Variants in DUSP1 observed in about 807,000 individuals in gnomAD.
DUSP1 encodes the protein dual specificity phosphatase 1.
In DUSP1, 10 loss-of-function variants were observed where a neutral mutation model predicts 27.4. The ratio of observed to expected loss-of-function variants is 0.37; its 90% CI spans 0.23 to 0.62. The LOEUF is 0.62. Ranked by LOEUF, DUSP1 falls within the 20% of genes least tolerant of loss-of-function variation. The pLI, the probability that DUSP1 is intolerant of heterozygous loss-of-function variation, is 0.68. For missense variants in DUSP1, 425 were observed against 508.1 expected (o/e 0.84, Z 1.57); for synonymous variants, 262 against 223.6 (o/e 1.17, Z -1.53).
In DUSP1 at chr5:172,770,249, G is replaced by T. The variant is rs1353704647; in HGVS notation, c.425C>A (p.Pro142His). The change falls in exon 2 of 4, where the codon CCC becomes CAC. Residue 142 changes from proline to histidine, a missense_variant. Around this residue, in one of 3 missense-constraint regions of DUSP1, gnomAD observed 282 missense variants for 319.3 expected, o/e 0.88. Coordinates refer to ENST00000239223, the MANE Select transcript of DUSP1 (RefSeq NM_004417.4). ...ACTCAGGGGAAGGCTGAGCCCCATG[G>T]GGGTCGACTGTTTGCTGCACAGCTC... ...CPELCSKQSTPMGLSLPLSTS... is the reference protein window; with the variant it reads ...CPELCSKQSTHMGLSLPLSTS... 1 of 1,611,096 alleles carries T rather than the reference G, an allele frequency of 6.2e-7. No homozygotes were observed. The highest frequency in any genetic ancestry group is 1.3e-5 in the African/African-American group (1 of 74,826).
In DUSP1 at chr5:172,770,257, C is replaced by G. The variant is rs145042832; in HGVS notation, c.417G>C (p.Gln139His). 6.8e-6 allele frequency: 11 copies of G among 1,610,920 alleles called. No individual in the cohort carries two copies. In the African/African-American group the frequency reaches 1.5e-4, roughly 22 times the overall value. ...SASCPELCSKQSTPMGLSLPL... is the reference protein window; with the variant it reads ...SASCPELCSKHSTPMGLSLPL... ...GAAGGCTGAGCCCCATGGGGGTCGA[C>G]TGTTTGCTGCACAGCTCCGGGCAGG... Residue 139 changes from glutamine to histidine, a missense_variant, in exon 2 of 4, where the codon CAG becomes CAC. Gln to His is a conservative substitution (Grantham distance 24). Coordinates refer to ENST00000239223, the MANE Select transcript of DUSP1 (RefSeq NM_004417.4).
At chr5:172,769,370 C>T (rs755632901) in intron 3 of DUSP1, among the ~76,000 whole-genome samples, 27 of 152,184 alleles carry the variant, frequency 1.8e-4, no homozygotes, top group Non-Finnish European at 2.4e-4. Context: ...CCAGTCAATT[C>T]AACTTTGTGA....
Position 172,771,087 on chromosome 5 carries a change from T to G in DUSP1, c.-135A>C. 1 of 1,212,556 alleles carries G rather than the reference T, an allele frequency of 8.2e-7. No individual in the cohort carries two copies. The highest frequency in any genetic ancestry group is 1.1e-6 in the Non-Finnish European group (1 of 949,542). 75.1% of individuals were successfully genotyped at this position (1,212,556 alleles called of 1,614,324 possible). On this transcript the variant is annotated 5_prime_UTR_variant, in exon 1 of 4. Coordinates refer to ENST00000239223, the MANE Select transcript of DUSP1 (RefSeq NM_004417.4). ...TCTGCGCCGAACCAAAAGCCGCTTTTGGACTGAGAGAGGAGCGTCACGCGG... is the reference window on the plus strand; with the variant it reads ...TCTGCGCCGAACCAAAAGCCGCTTTGGGACTGAGAGAGGAGCGTCACGCGG...
chr5:172,770,202 C>G lies in DUSP1; in HGVS notation c.472G>C (p.Glu158Gln), dbSNP rs770201879. 6.3e-7 allele frequency: 1 copy of G among 1,598,956 alleles called. No homozygotes were observed. The highest frequency in any genetic ancestry group is 8.5e-7 in the Non-Finnish European group (1 of 1,175,180). Reference protein sequence around the residue: ...PLSTSVPDSAESGCSSCSTPL... With the variant: ...PLSTSVPDSAQSGCSSCSTPL... ...GTACTGCAGGAACTGCACCCAGATT[C>G]CGCGCTGTCAGGGACGCTAGTACTC... Residue 158 changes from glutamate (E) to glutamine (Q), a missense_variant, in exon 2 of 4, where the codon GAA becomes CAA. Transcript: ENST00000239223.
intron 2 of DUSP1, 101 bp downstream of exon 2, chr5:172,770,060 A>G (rs1311553893): frequency 1.4e-6 from 2 of 1,473,630 alleles, no homozygotes; most frequent in Non-Finnish European, 1.8e-6. Context: ...CCCCTCCGTT[A>G]TAAATAATGC....
rs1045081777 is a variant in DUSP1, at chr5:172,768,650, TTAAA to T, written c.*108_*111del. On this transcript the variant is annotated 3_prime_UTR_variant, in exon 4 of 4. Coordinates refer to ENST00000239223, the MANE Select transcript of DUSP1 (RefSeq NM_004417.4). ...GAAACCCAGAGGAACTCGGGTGAAG[TTAAA>T]TAAATAAGGACCAGCCCTCTCGAGC... 3.0e-6 allele frequency: 4 copies of T among 1,351,252 alleles called. No homozygotes were observed. The highest frequency in any genetic ancestry group is 3.9e-6 in the Non-Finnish European group (4 of 1,038,040). 83.7% of individuals were successfully genotyped at this position (1,351,252 alleles called of 1,614,324 possible).
rs1253750604 is a variant in DUSP1, at chr5:172,768,771, G to A, written c.1095C>T (p.Pro365=). The change falls in exon 4 of 4, where the codon CCC becomes CCT. Residue 365 remains proline, a synonymous_variant. Transcript: ENST00000239223. ...CACCTCCCGTGGCCTTTCAGCAGCT[G>A]GGAGAGGTCGTAATGGGGCTCTGAA... The part of the protein sequence containing the change: ...SYLQSPITTS[P]SC 1.3e-6 allele frequency: 2 copies of A among 1,515,022 alleles called. No individual in the cohort carries two copies. The highest frequency in any genetic ancestry group is 1.4e-5 in the African/African-American group (1 of 71,730). The allele number at this position is 1,515,022 out of a possible 1,614,324, so 93.8% of individuals were successfully genotyped here. A position where few individuals can be genotyped will look rare whatever the true frequency, so the allele number is the denominator to read the frequency against.
chr5:172,768,621 C>T lies in DUSP1; in HGVS notation c.*141G>A. The T allele has an allele frequency of 1.6e-6, 2 of 1,213,952 alleles. No homozygotes were observed. Among genetic ancestry groups the T allele is most frequent in the Non-Finnish European group, 2.1e-6 (2 of 930,246 alleles). The allele number at this position is 1,213,952 out of a possible 1,614,324, so 75.2% of individuals were successfully genotyped here. ...TGACGCTAAGTCATCACCATAACTG[C>T]TTAGAAACCCAGAGGAACTCGGGTG... On this transcript the variant is annotated 3_prime_UTR_variant, in exon 4 of 4. Coordinates refer to ENST00000239223, the MANE Select transcript of DUSP1 (RefSeq NM_004417.4).
In DUSP1 at chr5:172,769,618, C is replaced by T. The variant is rs774174597; in HGVS notation, c.690G>A (p.Lys230=). 1 of 1,614,104 alleles carries T rather than the reference C, an allele frequency of 6.2e-7. No individual in the cohort carries two copies. Among genetic ancestry groups the T allele is most frequent in the Non-Finnish European group, 8.5e-7 (1 of 1,180,050 alleles). ...YKSIPVEDNH[K]ADISSWFNEA... is the part of the protein sequence containing the mutation. ...CGTTGAACCAGGAGCTGATGTCTGC[C>T]TTGTGGTTGTCCTCCACAGGGATGC... The change falls in exon 3 of 4, where the codon AAG becomes AAA. Residue 230 remains lysine (K), a synonymous_variant. Transcript: ENST00000239223.
rs1353704647 is a variant in DUSP1, at chr5:172,770,249, G to A, written c.425C>T (p.Pro142Leu). 1.2e-6 allele frequency: 2 copies of A among 1,611,096 alleles called. No homozygotes were observed. The highest frequency in any genetic ancestry group is 4.5e-5 in the East Asian group (2 of 44,678). ...CPELCSKQSTPMGLSLPLSTS... is the reference protein window; with the variant it reads ...CPELCSKQSTLMGLSLPLSTS... ...ACTCAGGGGAAGGCTGAGCCCCATG[G>A]GGGTCGACTGTTTGCTGCACAGCTC... The change falls in exon 2 of 4, where the codon CCC (proline) becomes CTC (leucine). Residue 142 changes from proline (P) to leucine (L), a missense_variant. This residue lies in a region of DUSP1 where 282 missense variants were observed against 319.3 expected (regional missense o/e 0.88). Coordinates refer to ENST00000239223, the MANE Select transcript of DUSP1 (RefSeq NM_004417.4).
rs955059442 is a variant in DUSP1, at chr5:172,770,908, C to T, written c.45G>A (p.Ala15=). The T allele has an allele frequency of 1.3e-6, 2 of 1,534,816 alleles. No homozygotes were observed. Among genetic ancestry groups the T allele is most frequent in the African/African-American group, 1.4e-5 (1 of 72,156 alleles). The stretch of plus-strand genomic sequence containing the variant: ...ATTGCGCCGCTCGCTCCCCCAGCAG[C>T]GCCCGCAGGCCTCCAGCGTCCAGGG... The part of the protein sequence containing the change: ...VGTLDAGGLR[A]LLGERAAQCL... Residue 15 remains alanine (A), a synonymous_variant, in exon 1 of 4, where the codon GCG becomes GCA. Transcript: ENST00000239223.
chr5:172,769,908 G>C, intron 2 of DUSP1, 114 bp from the exon 3 acceptor site: 1 of 1,301,824 alleles, frequency 7.7e-7, no homozygotes, highest in Non-Finnish European at 1.1e-6. Flanking sequence ...AGTGAACTCA[G>C]TTCTGTTGCT....
At position 172,770,579 on chromosome 5, in the gene DUSP1, G is replaced by A. The variant is rs747129421; in HGVS notation, c.367+7C>T. On this transcript the variant is annotated splice_region_variant and intron_variant, in intron 1 of 3. Coordinates refer to ENST00000239223, the MANE Select transcript of DUSP1 (RefSeq NM_004417.4). Reference sequence around the variant, plus strand: ...GCGGCCCGCCCCGAGCTTCCCCGAGGGCGTACCTTTGAGGAAGAAGACTTG... The same window carrying A: ...GCGGCCCGCCCCGAGCTTCCCCGAGAGCGTACCTTTGAGGAAGAAGACTTG... 18 of 1,397,450 alleles carry A rather than the reference G, an allele frequency of 1.3e-5. No homozygotes were observed. Among genetic ancestry groups the A allele is most frequent in the East Asian group, 2.8e-5 (1 of 35,824 alleles). 86.6% of individuals were successfully genotyped at this position (1,397,450 alleles called of 1,614,324 possible).
intron 1 of DUSP1, 79 bp from the exon 2 acceptor site, chr5:172,770,385 A>C: frequency 6.3e-7 from 1 of 1,582,356 alleles, no homozygotes; most frequent in East Asian, 2.3e-5. Context: ...CCACCCACCA[A>C]GGGCTGGAAG....
chr5:172,769,762 G>A lies in DUSP1; in HGVS notation c.546C>T (p.Tyr182=). Reference sequence around the variant, plus strand: ...GGGAAGCGTGATACGCACTGCCCAGGTACAGAAAGGGCAGGATTTCCACCG... The same window carrying A: ...GGGAAGCGTGATACGCACTGCCCAGATACAGAAAGGGCAGGATTTCCACCG... ...GGPVEILPFL[Y]LGSAYHASRK... is the part of the protein sequence containing the mutation. The change falls in exon 3 of 4, where the codon TAC becomes TAT. Residue 182 remains tyrosine, a synonymous_variant. Coordinates refer to ENST00000239223, the MANE Select transcript of DUSP1 (RefSeq NM_004417.4). 1 of 1,614,208 alleles carries A rather than the reference G, an allele frequency of 6.2e-7. No individual in the cohort carries two copies. Among genetic ancestry groups the A allele is most frequent in the Non-Finnish European group, 8.5e-7 (1 of 1,180,046 alleles).
At chr5:172,770,346 C>T in intron 1 of DUSP1, 40 bp from the exon 2 acceptor site, 1 of 1,609,318 alleles carries the variant, frequency 6.2e-7, no homozygotes, top group Non-Finnish European at 8.5e-7. Flanking sequence ...ATTAGTGACA[C>T]CGGGACACGG....
At position 172,770,580 on chromosome 5, in the gene DUSP1, G is replaced by A. The variant is rs1759872586; in HGVS notation, c.367+6C>T. 3.6e-6 allele frequency: 5 copies of A among 1,396,904 alleles called. No homozygotes were observed. Among genetic ancestry groups the A allele is most frequent in the Non-Finnish European group, 4.6e-6 (5 of 1,084,590 alleles). The allele number at this position is 1,396,904 out of a possible 1,614,324, so 86.5% of individuals were successfully genotyped here. A position where few individuals can be genotyped will look rare whatever the true frequency, so the allele number is the denominator to read the frequency against. On this transcript the variant is annotated splice_donor_region_variant and intron_variant, in intron 1 of 3. Coordinates refer to ENST00000239223, the MANE Select transcript of DUSP1 (RefSeq NM_004417.4). Reference sequence around the variant, plus strand: ...CGGCCCGCCCCGAGCTTCCCCGAGGGCGTACCTTTGAGGAAGAAGACTTGC... The same window carrying A: ...CGGCCCGCCCCGAGCTTCCCCGAGGACGTACCTTTGAGGAAGAAGACTTGC...
chr5:172,769,345 CAGAT>C (rs1477672498), intron 3 of DUSP1, among the ~76,000 whole-genome samples: 1 of 152,194 alleles, frequency 6.6e-6, no homozygotes, highest in African/African-American at 2.4e-5. Flanking sequence ...TTCCACTTAG[CAGAT>C]AGATCTCAGA....
chr5:172,768,973 T>C lies in DUSP1; in HGVS notation c.893A>G (p.Asn298Ser). The change falls in exon 4 of 4, where the codon AAC (asparagine) becomes AGC (serine). Residue 298 changes from asparagine to serine, a missense_variant. By Grantham distance (46) the Asn-to-Ser change is conservative. This residue lies in a region of DUSP1 where 59 missense variants were observed against 108.4 expected (regional missense o/e 0.54). Coordinates refer to ENST00000239223, the MANE Select transcript of DUSP1 (RefSeq NM_004417.4). ...CAGCAGCTGGCCCATGAAGCTGAAGTTGGGAGAGATGATGCTTCGCCTCTG... is the reference window on the plus strand; with the variant it reads ...CAGCAGCTGGCCCATGAAGCTGAAGCTGGGAGAGATGATGCTTCGCCTCTG... ...VKQRRSIISPNFSFMGQLLQF... is the reference protein window; with the variant it reads ...VKQRRSIISPSFSFMGQLLQF... The C allele has an allele frequency of 1.2e-6, 2 of 1,614,074 alleles. No homozygotes were observed. Among genetic ancestry groups the C allele is most frequent in the Middle Eastern group, 1.7e-4 (1 of 6,060 alleles).
Sources: allele counts gnomAD v4.1 joint callset (sites outside exome capture counted in the v4.1 genomes callset), GRCh38; gene constraint gnomAD v4.1.1; regional missense constraint gnomAD v4.1.1; transcripts MANE v1.5; gene names NCBI Gene and HGNC (gene_info 2026-07-23, HGNC 2026-07-21).